The following DNAH12 variants were observed in gnomAD, a reference collection of about 807,000 sequenced individuals.
DNAH12 encodes the protein dynein axonemal heavy chain 12.
Under a neutral mutation model 371.5 loss-of-function variants are expected in DNAH12, and 285 were observed. The observed-to-expected ratio is 0.77, with a 90% CI of 0.70 to 0.85. The LOEUF is 0.85. Among genes scored for constraint, DNAH12 ranks in the 40% least tolerant of loss-of-function variants. DNAH12 has a pLI of 0.00. For synonymous variants in DNAH12, 1,200 were observed against 1,213.0 expected (o/e 0.99, Z 0.22); for missense variants, 3,611 against 3,689.4 (o/e 0.98, Z 0.55).
rs534121452 is a variant in DNAH12, at chr3:57,502,032, G to C, written c.1243+291C>G. Among the ~76,000 whole-genome samples the C allele has an allele frequency of 5.0e-4, 76 of 151,820 alleles. 2 individuals carry two copies. Among genetic ancestry groups the C allele is most frequent in the Middle Eastern group, 6.8e-3 (2 of 294 alleles). ...CGCCATTCTCCTGCCTCAGCCTCCCGAGTAGCCGGGACTACAGGCGCCCGC... is the reference window on the plus strand; with the variant it reads ...CGCCATTCTCCTGCCTCAGCCTCCCCAGTAGCCGGGACTACAGGCGCCCGC... On this transcript the variant is annotated intron_variant, in intron 10 of 73. Transcript: ENST00000495027.
At chr3:57,370,119 G>A (rs1479911673) in intron 55 of DNAH12, among the ~76,000 whole-genome samples, 1 of 152,126 alleles carries the variant, frequency 6.6e-6, no homozygotes, top group African/African-American at 2.4e-5. Context: ...TGACAGAGGT[G>A]GTAATTTGGA....
intron 60 of DNAH12, among the ~76,000 whole-genome samples, 155 bp from the exon 61 acceptor site, chr3:57,335,095 G>GT (rs1470124226): frequency 2.6e-5 from 4 of 152,112 alleles, no homozygotes; most frequent in Non-Finnish European, 4.4e-5. Context: ...TGAAACAACT[G>GT]TTTTTTTGAA....
intron 60 of DNAH12, among the ~76,000 whole-genome samples, chr3:57,336,159 A>G (rs2062217214): frequency 6.6e-6 from 1 of 152,222 alleles, no homozygotes; most frequent in African/African-American, 2.4e-5. Flanking sequence ...AGTCTTGAAA[A>G]GATCAAACTA....
At position 57,304,420 on chromosome 3, in the gene DNAH12, C is replaced by CT. The variant is rs528878979; in HGVS notation, c.11190-2482dup. ...ACCAATTTTAAATCAGGTAAGCAGC[C>CT]TTTTTTTTACTCTCTTCTCCAACCT... On this transcript the variant is annotated intron_variant, in intron 69 of 73. Transcript: ENST00000495027. Among the ~76,000 whole-genome samples, 26 of 152,166 alleles carry CT rather than the reference C, an allele frequency of 1.7e-4. No individual in the cohort carries two copies. The South Asian group carries it at 3.9e-3, about 23-fold the overall frequency.
intron 38 of DNAH12, 125 bp from the exon 39 acceptor site, chr3:57,414,037 G>A: frequency 1.1e-6 from 1 of 869,990 alleles, no homozygotes; most frequent in Non-Finnish European, 1.7e-6. Flanking sequence ...ATTTTTACCA[G>A]TAACAATTAC....
chr3:57,543,409 G>T (rs1331741705), intron 1 of DNAH12, among the ~76,000 whole-genome samples: 1 of 124,118 alleles, frequency 8.1e-6, no homozygotes, highest in Non-Finnish European at 1.6e-5. Flanking sequence ...TGCAACCTCC[G>T]CCTCCCAGGT....
chr3:57,535,744 G>A (rs2069013652), intron 2 of DNAH12, among the ~76,000 whole-genome samples: 1 of 151,442 alleles, frequency 6.6e-6, no homozygotes, highest in African/African-American at 2.4e-5. Context: ...GTTTCTCCAT[G>A]TCGGTCAGGC....
In DNAH12 at chr3:57,419,495, G is replaced by C. The variant is rs990832521; in HGVS notation, c.5586C>G (p.Val1862=). 2.1e-6 allele frequency: 3 copies of C among 1,445,202 alleles called. No individual in the cohort carries two copies. The highest frequency in any genetic ancestry group is 2.7e-6 in the Non-Finnish European group (3 of 1,100,398). 89.5% of individuals were successfully genotyped at this position (1,445,202 alleles called of 1,614,324 possible). The change falls in exon 37 of 74, where the codon GTC becomes GTG. Residue 1862 remains valine, a synonymous_variant. Coordinates refer to ENST00000495027, the MANE Select transcript of DNAH12 (RefSeq NM_001366028.2). ...TATTTTTAATTAATTCATTCCAATG[G>C]ACCCAGCGACCTTTGTTTTTCAACT... is the stretch of plus-strand genomic sequence containing the variant. ...MYELKNKGRW[V]HWNELIKNTN...
In DNAH12 at chr3:57,333,329, C is replaced by CTTTTTTTTTTTTTTTTTTTTTTTTT. The variant is rs34135477; in HGVS notation, c.9978+1135_9978+1136insAAAAAAAAAAAAAAAAAAAAAAAAA. On this transcript the variant is annotated intron_variant, in intron 62 of 73. Transcript: ENST00000495027. ...CGGATACATGTTCTTTTTAAGGCAA[C>CTTTTTTTTTTTTTTTTTTTTTTTTT]TTTTTTTTTTTTTTTTTTTTAGATG... Among the ~76,000 whole-genome samples the CTTTTTTTTTTTTTTTTTTTTTTTTT allele has an allele frequency of 5.0e-4, 56 of 111,064 alleles. 6 individuals are homozygous for CTTTTTTTTTTTTTTTTTTTTTTTTT. Among genetic ancestry groups the CTTTTTTTTTTTTTTTTTTTTTTTTT allele is most frequent in the African/African-American group, 2.5e-3 (54 of 21,904 alleles). 72.9% of individuals were successfully genotyped at this position (111,064 alleles called of 152,430 possible).
In DNAH12 at chr3:57,310,868, G is replaced by A; in HGVS notation, c.10745C>T (p.Thr3582Ile). 1.3e-6 allele frequency: 2 copies of A among 1,551,508 alleles called. No individual in the cohort carries two copies. Among genetic ancestry groups the A allele is most frequent in the Middle Eastern group, 1.7e-4 (1 of 5,990 alleles). ...TGECNYGGRV[T>I]DDWDRRLLLT... is the part of the protein sequence containing the mutation. ...TAGAAGACGTCTGTCCCAATCGTCT[G>A]TCACTCTTCCTCCATAATTACACTC... Residue 3582 changes from threonine to isoleucine, a missense_variant, in exon 67 of 74, where the codon ACA (threonine) becomes ATA (isoleucine). Thr to Ile is a moderately conservative substitution (Grantham distance 89, BLOSUM62 -1). Coordinates refer to ENST00000495027, the MANE Select transcript of DNAH12 (RefSeq NM_001366028.2).
At chr3:57,383,808 T>C (rs1330593768) in intron 49 of DNAH12, among the ~76,000 whole-genome samples, 1 of 149,272 alleles carries the variant, frequency 6.7e-6, no homozygotes, top group East Asian at 2.0e-4. Flanking sequence ...ACTGAGAGCA[T>C]GAAGAAAGAA....
At chr3:57,373,589 G>C (rs1373550736) in intron 55 of DNAH12, among the ~76,000 whole-genome samples, 1 of 151,480 alleles carries the variant, frequency 6.6e-6, no homozygotes, top group Non-Finnish European at 1.5e-5. Context: ...CTCCCAAAGT[G>C]CTGGGATTAC....
chr3:57,488,937 AGTGT>A lies in DNAH12; in HGVS notation c.1514+568_1514+571del, dbSNP rs34379970. The stretch of plus-strand genomic sequence containing the variant: ...TTTTCAAGAAAGGTAAGAAATCCAA[AGTGT>A]GTGTGTGTGTGTGTGTGTGCACGTG... On this transcript the variant is annotated intron_variant, in intron 12 of 73. Coordinates refer to ENST00000495027, the MANE Select transcript of DNAH12 (RefSeq NM_001366028.2). Among the ~76,000 whole-genome samples the A allele has an allele frequency of 1.7e-3, 251 of 150,106 alleles. 4 individuals are homozygous for A. The highest frequency in any genetic ancestry group is 3.9e-3 in the African/African-American group (159 of 40,864).
chr3:57,304,508 TCTCTC>T (rs971567511), intron 69 of DNAH12, among the ~76,000 whole-genome samples: 3 of 152,124 alleles, frequency 2.0e-5, no homozygotes, highest in Admixed American at 6.5e-5. Context: ...ATCTCTCTCT[TCTCTC>T]AATTTCAGTT....
chr3:57,482,728 A>T (rs1158838877), intron 13 of DNAH12, among the ~76,000 whole-genome samples: 1 of 152,030 alleles, frequency 6.6e-6, no homozygotes, highest in Non-Finnish European at 1.5e-5. Flanking sequence ...TACACCATGG[A>T]ATACTATGCA....
chr3:57,314,615 A>G lies in DNAH12; in HGVS notation c.10541T>C (p.Leu3514Pro). The G allele has an allele frequency of 6.5e-7, 1 of 1,546,950 alleles. No homozygotes were observed. Among genetic ancestry groups the G allele is most frequent in the Non-Finnish European group, 8.7e-7 (1 of 1,146,066 alleles). Residue 3514 changes from leucine to proline, a missense_variant, in exon 66 of 74, where the codon CTG becomes CCG. By Grantham distance (98) the Leu-to-Pro change is moderately conservative (BLOSUM62 -3). This residue lies in a region of DNAH12 where 2,266 missense variants were observed against 2,236.9 expected (regional missense o/e 1.01). Transcript: ENST00000495027. Reference protein sequence around the residue: ...RGKELAWEKLLFGVCFFHALV... With the variant: ...RGKELAWEKLPFGVCFFHALV... ...GGCATGAAAAAAACAAACTCCAAAC[A>G]GTAACTTCTCCCAGGCCTTTAATAT... is the stretch of plus-strand genomic sequence containing the variant.
chr3:57,491,664 T>C (rs1286404182), intron 11 of DNAH12, among the ~76,000 whole-genome samples: 1 of 152,082 alleles, frequency 6.6e-6, no homozygotes, highest in East Asian at 1.9e-4. Context: ...CCAGGCATGA[T>C]GGCTCATGCC....
At chr3:57,439,825 T>C (rs1228695792) in intron 29 of DNAH12, among the ~76,000 whole-genome samples, 1 of 144,752 alleles carries the variant, frequency 6.9e-6, no homozygotes, top group Non-Finnish European at 1.5e-5. Flanking sequence ...GATAAGGAAC[T>C]TAAACAATTG....
chr3:57,528,821 G>C (rs1407949013), intron 2 of DNAH12, among the ~76,000 whole-genome samples: 1 of 149,826 alleles, frequency 6.7e-6, no homozygotes, highest in Non-Finnish European at 1.5e-5. Flanking sequence ...TTTTTGAGAC[G>C]GAGTTTTGCT....
Sources: gnomAD v4.1 joint callset for allele counts (sites outside exome capture counted in the v4.1 genomes callset) on GRCh38, gnomAD v4.1.1 for gene constraint, gnomAD v4.1.1 regional missense constraint, MANE v1.5 for transcripts, NCBI Gene and HGNC (gene_info 2026-07-23, HGNC 2026-07-21) for gene names.